CNTNAP5: variants seen among roughly 807,000 people sequenced by gnomAD.
CNTNAP5 encodes contactin-associated protein-like 5.
A neutral mutation model predicts 150.2 loss-of-function variants in CNTNAP5; 72 were observed. The observed-to-expected ratio is 0.48, with a 90% CI of 0.40 to 0.58. The LOEUF (loss-of-function observed/expected upper bound fraction) is 0.58. Among genes scored for constraint, CNTNAP5 ranks in the 20% least tolerant of loss-of-function variants. The pLI, the probability that CNTNAP5 is intolerant of heterozygous loss-of-function variation, is 0.00. For synonymous variants in CNTNAP5, 672 were observed against 619.8 expected (o/e 1.08, Z -1.25); for missense variants, 1,636 against 1,626.2 (o/e 1.01, Z -0.10).
chr2:124,910,268 C>T (rs1003288451), intron 22 of CNTNAP5, among the ~76,000 whole-genome samples: 8 of 151,986 alleles, frequency 5.3e-5, no homozygotes, highest in African/African-American at 1.7e-4. Flanking sequence ...CTTGAGGTCC[C>T]ACTCGTGAGA....
chr2:124,058,340 T>C (rs1412529429), intron 1 of CNTNAP5, among the ~76,000 whole-genome samples: 1 of 152,190 alleles, frequency 6.6e-6, no homozygotes, highest in African/African-American at 2.4e-5. Context: ...TTCTCATGCC[T>C]GTTGCAGGGT....
intron 6 of CNTNAP5, among the ~76,000 whole-genome samples, chr2:124,474,268 A>AT (rs1224668318): frequency 2.0e-5 from 3 of 152,046 alleles, no homozygotes; most frequent in African/African-American, 7.2e-5. Context: ...GTTTTTCATC[A>AT]TTATAGATGA....
At chr2:124,537,500 G>A (rs1695266626) in intron 10 of CNTNAP5, among the ~76,000 whole-genome samples, 2 of 152,108 alleles carry the variant, frequency 1.3e-5, no homozygotes, top group South Asian at 4.1e-4. Flanking sequence ...GAGACACTGG[G>A]CTTGATCTAA....
intron 3 of CNTNAP5, among the ~76,000 whole-genome samples, chr2:124,306,399 A>T (rs949069141): frequency 6.6e-6 from 1 of 152,206 alleles, no homozygotes; most frequent in African/African-American, 2.4e-5. Flanking sequence ...AGAAGAAAGC[A>T]GTCTTTCCCC....
intron 13 of CNTNAP5, among the ~76,000 whole-genome samples, chr2:124,737,753 C>G (rs1680416646): frequency 6.6e-6 from 1 of 152,082 alleles, no homozygotes; most frequent in Admixed American, 6.6e-5. Flanking sequence ...ATTGTAATTA[C>G]CCACGGAAGA....
rs765404688 is a variant in CNTNAP5 at position 124,790,050 on chromosome 2, C to A, written c.2901C>A (p.Ile967=). The A allele has an allele frequency of 2.5e-6, 4 of 1,613,948 alleles. No homozygotes were observed. Among genetic ancestry groups the A allele is most frequent in the Middle Eastern group, 1.6e-4 (1 of 6,062 alleles). The change falls in exon 18 of 24, where the codon ATC becomes ATA. Residue 967 remains isoleucine, a synonymous_variant. Transcript: ENST00000682447. ...GCCACTGCAGCAGCTACGGCAGCAT[C>A]TGCCACAACGGGGGCAAGTGTGTGG... ...CPGHCSSYGS[I]CHNGGKCVEK...
intron 13 of CNTNAP5, among the ~76,000 whole-genome samples, chr2:124,736,706 C>G (rs1680389334): frequency 6.6e-6 from 1 of 152,148 alleles, no homozygotes; most frequent in African/African-American, 2.4e-5. Context: ...AAGATGAATG[C>G]ACCTATATAG....
intron 10 of CNTNAP5, among the ~76,000 whole-genome samples, chr2:124,559,263 CT>C (rs1041410496): frequency 2.6e-5 from 4 of 151,822 alleles, no homozygotes; most frequent in East Asian, 1.9e-4. Context: ...AACCCTCTGA[CT>C]TTTTTTTTCT....
intron 10 of CNTNAP5, among the ~76,000 whole-genome samples, chr2:124,561,783 C>T (rs34728680): frequency 0.41 from 61,775 of 151,950 alleles, 13,830 homozygotes; most frequent in East Asian, 0.98. Flanking sequence ...TGGAGGCTTT[C>T]CTACTTATAT....
intron 1 of CNTNAP5, among the ~76,000 whole-genome samples, chr2:124,205,299 T>C (rs1685834025): frequency 6.6e-6 from 1 of 152,156 alleles, no homozygotes; most frequent in African/African-American, 2.4e-5. Flanking sequence ...GCTTGCACTT[T>C]TCTCTCCTGC....
At chr2:124,249,865 T>C (rs1473033176) in intron 3 of CNTNAP5, among the ~76,000 whole-genome samples, 2 of 152,176 alleles carry the variant, frequency 1.3e-5, no homozygotes, top group African/African-American at 4.8e-5. Context: ...AATGTAAATA[T>C]AGTCAATGAT....
At chr2:124,800,140 G>A (rs1270301485) in intron 19 of CNTNAP5, among the ~76,000 whole-genome samples, 2 of 152,118 alleles carry the variant, frequency 1.3e-5, no homozygotes, top group Admixed American at 6.6e-5. Context: ...CAGAATGCAG[G>A]TTTCCCAATA....
intron 11 of CNTNAP5, among the ~76,000 whole-genome samples, chr2:124,607,915 T>C (rs1162593200): frequency 6.6e-6 from 1 of 152,160 alleles, no homozygotes; most frequent in Non-Finnish European, 1.5e-5. Context: ...GCTCACAATG[T>C]GGGGCACAGA....
chr2:124,099,031 TCC>T (rs1683004082), intron 1 of CNTNAP5, among the ~76,000 whole-genome samples: 3 of 152,170 alleles, frequency 2.0e-5, no homozygotes, highest in Non-Finnish European at 4.4e-5. Flanking sequence ...AAGCCCAAGC[TCC>T]TTTGTGCAGT....
At chr2:124,818,217 T>C (rs1227299797) in intron 19 of CNTNAP5, among the ~76,000 whole-genome samples, 6 of 152,166 alleles carry the variant, frequency 3.9e-5, no homozygotes, top group African/African-American at 7.2e-5. Context: ...TTAGCCTCAC[T>C]TGTCCCTCAG....
chr2:124,030,075 T>G (rs1427647468), intron 1 of CNTNAP5, among the ~76,000 whole-genome samples: 2 of 152,136 alleles, frequency 1.3e-5, no homozygotes, highest in African/African-American at 4.8e-5. Context: ...TAGAGGTTAC[T>G]TAGTTACCCC....
At chr2:124,895,065 G>T (rs749900415) in intron 21 of CNTNAP5, among the ~76,000 whole-genome samples, 5 of 151,438 alleles carry the variant, frequency 3.3e-5, no homozygotes, top group Admixed American at 1.3e-4. Flanking sequence ...ATTTAGCCAG[G>T]TAGTTAGTGT....
At chr2:124,493,444 G>A (rs1441501112) in intron 7 of CNTNAP5, among the ~76,000 whole-genome samples, 4 of 151,884 alleles carry the variant, frequency 2.6e-5, no homozygotes, top group Non-Finnish European at 4.4e-5. Flanking sequence ...AGGTTCAAGC[G>A]ATTCTCCTGC....
chr2:124,035,344 C>G (rs1337252784), intron 1 of CNTNAP5, among the ~76,000 whole-genome samples: 1 of 151,670 alleles, frequency 6.6e-6, no homozygotes, highest in Non-Finnish European at 1.5e-5. Flanking sequence ...CTTTCTAATC[C>G]TCTTTTCTTC....
Sources: gnomAD v4.1 joint callset for allele counts (sites outside exome capture counted in the v4.1 genomes callset) on GRCh38, gnomAD v4.1.1 for gene constraint, MANE v1.5 for transcripts, NCBI Gene and HGNC (gene_info 2026-07-23, HGNC 2026-07-21) for gene names.